ZNF3: variants seen among roughly 807,000 people sequenced by gnomAD.
ZNF3 encodes the protein C2-H2 type zinc finger protein.
Under a neutral mutation model 36.9 loss-of-function variants are expected in ZNF3, and 16 were observed. That is an observed-to-expected ratio of 0.43 (90% CI 0.29 to 0.66). The LOEUF (loss-of-function observed/expected upper bound fraction) is 0.66. Ranked by LOEUF, ZNF3 falls within the 30% of genes least tolerant of loss-of-function variation. The pLI, the probability that ZNF3 is intolerant of heterozygous loss-of-function variation, is 0.13. For synonymous variants in ZNF3, 201 were observed against 201.9 expected, an observed-to-expected ratio of 1.00 and a Z score of 0.04; for missense variants, 462 against 543.1, an observed-to-expected ratio of 0.85 and a Z score of 1.48.
chr7:100,063,942 A>C (rs766811625), downstream of ZNF3: 5 of 1,614,164 alleles, frequency 3.1e-6, no homozygotes, highest in Non-Finnish European at 4.2e-6. Flanking sequence ...ATGAAAAAGG[A>C]ACAAAACCCC....
At chr7:100,064,343 C>T (rs1183000361) in exon 6 of ZNF3, 4 of 1,614,180 alleles carry the variant, frequency 2.5e-6, no homozygotes, top group East Asian at 2.2e-5. Context: ...CGGATCCACA[C>T]TGGGGAGAAG....
In ZNF3 at chr7:100,073,499, C is replaced by A. The variant is rs576170202; in HGVS notation, c.272-1287G>T. 5.9e-5 allele frequency among the ~76,000 whole-genome samples: 9 copies of A among 152,176 alleles called. No homozygotes were observed. The Middle Eastern group carries it at 0.01, about 173-fold the overall frequency. Reference sequence around the variant, plus strand: ...AAGTAGCTGGGATTACAGGCACATGCCACCACCCCCAGCTAATTTTTTTTG... The same window carrying A: ...AAGTAGCTGGGATTACAGGCACATGACACCACCCCCAGCTAATTTTTTTTG... On this transcript the variant is annotated intron_variant, in intron 5 of 5. Coordinates refer to ENST00000299667, the MANE Select transcript of ZNF3 (RefSeq NM_032924.5).
chr7:100,066,114 A>C (rs1393748878), downstream of ZNF3, among the ~76,000 whole-genome samples: 1 of 151,968 alleles, frequency 6.6e-6, no homozygotes, highest in African/African-American at 2.4e-5. Flanking sequence ...TCAGATCTGG[A>C]AAGCAGCAGC....
At chr7:100,079,394 G>C (rs555134644) in intron 2 of ZNF3, 142 bp downstream of exon 2, 1 of 152,386 alleles carries the variant, frequency 6.6e-6, no homozygotes, top group South Asian at 2.1e-4. Flanking sequence ...CTCACAGAAA[G>C]AAAACTCTCC....
intron 1 of ZNF3, among the ~76,000 whole-genome samples, chr7:100,080,291 A>G (rs1411399221): frequency 1.3e-5 from 2 of 152,144 alleles, no homozygotes; most frequent in Non-Finnish European, 2.9e-5. Flanking sequence ...CTGAAAATCT[A>G]TCTCCTTGGA....
chr7:100,064,172 C>T (rs1386316270), exon 6 of ZNF3: 1 of 1,614,030 alleles, frequency 6.2e-7, no homozygotes, highest in Non-Finnish European at 8.5e-7. Flanking sequence ...CACTACAGAA[C>T]ACACTTGGTG....
chr7:100,079,703 C>G (rs1332813138), intron 1 of ZNF3, 47 bp from the exon 2 acceptor site: 1 of 152,030 alleles, frequency 6.6e-6, no homozygotes, highest in Non-Finnish European at 1.5e-5. Flanking sequence ...TTCATGCAAA[C>G]GTCTTTTTTT....
chr7:100,079,871 T>A (rs1010851278), intron 1 of ZNF3, among the ~76,000 whole-genome samples: 4 of 151,962 alleles, frequency 2.6e-5, no homozygotes, highest in African/African-American at 9.7e-5. Flanking sequence ...CTGAGTTTTT[T>A]AAAATTCTTT....
In ZNF3 at chr7:100,073,347, CTT is replaced by C. The variant is rs956342032; in HGVS notation, c.272-1137_272-1136del. Among the ~76,000 whole-genome samples the C allele has an allele frequency of 2.6e-5, 4 of 151,988 alleles. No individual in the cohort carries two copies. In the East Asian group the frequency reaches 7.7e-4, roughly 29 times the overall value. ...TTGAGAAACTAATTTATTAATCTTT[CTT>C]TTTTTGTTTTTGTTTTTGAGACAAG... On this transcript the variant is annotated intron_variant, in intron 5 of 5. Transcript: ENST00000299667.
At position 100,071,019 on chromosome 7, in the gene ZNF3, G is replaced by T; in HGVS notation, c.*124C>A. Reference sequence around the variant, plus strand: ...GAAAATTCAACGATTTGCCCCATCTGCCCCATTCTCTAAAATGAAAAGTCT... The same window carrying T: ...GAAAATTCAACGATTTGCCCCATCTTCCCCATTCTCTAAAATGAAAAGTCT... On this transcript the variant is annotated 3_prime_UTR_variant, in exon 6 of 6. Transcript: ENST00000299667. 1 of 1,492,018 alleles carries T rather than the reference G, an allele frequency of 6.7e-7. No homozygotes were observed. The highest frequency in any genetic ancestry group is 1.4e-5 in the South Asian group (1 of 69,480). The allele number at this position is 1,492,018 out of a possible 1,614,324, so 92.4% of individuals were successfully genotyped here. A position where few individuals can be genotyped will look rare whatever the true frequency, so the allele number is the denominator to read the frequency against.
intron 3 of ZNF3, among the ~76,000 whole-genome samples, chr7:100,076,768 C>T (rs552385398): frequency 2.6e-5 from 4 of 152,244 alleles, no homozygotes; most frequent in African/African-American, 7.2e-5. Context: ...ATTAATCTCG[C>T]GTGAGGTACT....
intron 3 of ZNF3, among the ~76,000 whole-genome samples, chr7:100,076,866 G>A (rs982550234): frequency 1.3e-5 from 2 of 152,118 alleles, no homozygotes; most frequent in African/African-American, 4.8e-5. Context: ...TGGGCACTGA[G>A]GTCAGGAGTT....
Position 100,071,315 on chromosome 7 carries a change from TG to T in ZNF3, c.1168del (p.His390ThrfsTer35). 6.2e-7 allele frequency: 1 copy of T among 1,614,216 alleles called. No homozygotes were observed. Among genetic ancestry groups the T allele is most frequent in the Non-Finnish European group, 8.5e-7 (1 of 1,180,032 alleles). On this transcript the variant is annotated frameshift_variant, in exon 6 of 6. Coordinates refer to ENST00000299667, the MANE Select transcript of ZNF3 (RefSeq NM_032924.5). LOFTEE classifies it high-confidence loss of function. ...SSGLIQHQRI[H>X]TGENPYECSE... is the part of the protein sequence containing the mutation. ...ACATTCATAGGGGTTCTCCCCGGTG[TG>T]GATTCTTTGATGCTGAATAAGGCCT...
intron 3 of ZNF3, among the ~76,000 whole-genome samples, chr7:100,076,184 G>T (rs1283537386): frequency 6.6e-6 from 1 of 151,736 alleles, no homozygotes; most frequent in African/African-American, 2.4e-5. Flanking sequence ...CCCCAGCCCT[G>T]ACTGGAAACA....
chr7:100,064,046 A>G lies in ZNF3; in HGVS notation c.*742T>C, dbSNP rs752087213. Reference sequence around the variant, plus strand: ...CGTTATATATGTGCTGAATGTGGCAAAGCCTTTAGTAATAGCTCAAATCTC... The same window carrying G: ...CGTTATATATGTGCTGAATGTGGCAGAGCCTTTAGTAATAGCTCAAATCTC... On this transcript the variant is annotated 3_prime_UTR_variant, in exon 6 of 6. Coordinates refer to the ZNF3 transcript ENST00000413658. 2.5e-6 allele frequency: 4 copies of G among 1,614,152 alleles called. No individual in the cohort carries two copies. The Middle Eastern group carries it at 6.6e-4, about 266-fold the overall frequency.
intron 2 of ZNF3, among the ~76,000 whole-genome samples, chr7:100,078,188 T>C (rs1794419605): frequency 6.6e-6 from 1 of 152,004 alleles, no homozygotes; most frequent in South Asian, 2.1e-4. Context: ...GGTATATACA[T>C]TCACTGGCAT....
intron 3 of ZNF3, 107 bp from the exon 4 acceptor site, chr7:100,075,737 GGACCCT>G: frequency 1.1e-6 from 1 of 950,012 alleles, no homozygotes; most frequent in Non-Finnish European, 1.6e-6. Flanking sequence ...GGACAACACA[GGACCCT>G]CTCTCTCACA....
Position 100,070,706 on chromosome 7 carries a change from C to T in ZNF3, c.*437G>A, listed in dbSNP as rs990982812. 1 of 996,764 alleles carries T rather than the reference C, an allele frequency of 1.0e-6. No homozygotes were observed. The highest frequency in any genetic ancestry group is 5.5e-5 in the Admixed American group (1 of 18,288). The allele number at this position is 996,764 out of a possible 1,614,324, so 61.7% of individuals were successfully genotyped here. A position where few individuals can be genotyped will look rare whatever the true frequency, so the allele number is the denominator to read the frequency against. On this transcript the variant is annotated 3_prime_UTR_variant, in exon 6 of 6. Transcript: ENST00000299667. ...CCGAAACTTAAAGCTGGACTAGGAACAGTAGCTTTGAAATAGTCTCCCTTT... is the reference window on the plus strand; with the variant it reads ...CCGAAACTTAAAGCTGGACTAGGAATAGTAGCTTTGAAATAGTCTCCCTTT...
chr7:100,077,252 G>A (rs1463840261), intron 3 of ZNF3, 51 bp downstream of exon 3: 1 of 1,611,092 alleles, frequency 6.2e-7, no homozygotes, highest in Non-Finnish European at 8.5e-7. Context: ...GATTTCAATG[G>A]ATGATTGCAG....
Sources: allele counts gnomAD v4.1 joint callset (sites outside exome capture counted in the v4.1 genomes callset), GRCh38; gene constraint gnomAD v4.1.1; transcripts MANE v1.5; gene names NCBI Gene and HGNC (gene_info 2026-07-23, HGNC 2026-07-21).